Variants in THNSL2 observed in about 807,000 individuals in gnomAD.
The protein encoded by THNSL2 is threonine synthase-like 2.
THNSL2 carries 34 observed loss-of-function variants against 40.0 expected under a neutral mutation model. The observed-to-expected ratio is 0.85, with a 90% CI of 0.65 to 1.13. THNSL2 has a LOEUF of 1.13. Ranked by LOEUF, THNSL2 falls within the 50% of genes most tolerant of loss-of-function variation. THNSL2 has a pLI of 0.00. For missense variants in THNSL2, 537 were observed against 608.8 expected (o/e 0.88, Z 1.24); for synonymous variants, 241 against 247.5 (o/e 0.97, Z 0.25).
chr2:88,180,317 G>A (rs1285907762), intron 5 of THNSL2, among the ~76,000 whole-genome samples: 5 of 152,246 alleles, frequency 3.3e-5, no homozygotes, highest in South Asian at 2.1e-4. Flanking sequence ...ATATCATGAT[G>A]TTCTCATGAG....
rs1292456900 is a variant in THNSL2, at chr2:88,186,558, C to T, written c.*435C>T. The T allele has an allele frequency of 5.2e-6, 1 of 194,048 alleles. No individual in the cohort carries two copies. Among genetic ancestry groups the T allele is most frequent in the African/African-American group, 2.3e-5 (1 of 43,870 alleles). 12.0% of individuals were successfully genotyped at this position (194,048 alleles called of 1,614,324 possible). A position where few individuals can be genotyped will look rare whatever the true frequency, so the allele number is the denominator to read the frequency against. On this transcript the variant is annotated 3_prime_UTR_variant, in exon 9 of 9. Transcript: ENST00000674334. The stretch of plus-strand genomic sequence containing the variant: ...CAAACCAAATCCAAAGGTTCTGGCC[C>T]ACCTTGTCAGAGGCTTCCACCCTGC...
Position 88,186,447 on chromosome 2 carries a change from G to A in THNSL2, c.*324G>A, listed in dbSNP as rs1286433461. 1 of 290,708 alleles carries A rather than the reference G, an allele frequency of 3.4e-6. No individual in the cohort carries two copies. The allele number at this position is 290,708 out of a possible 1,614,324, so 18.0% of individuals were successfully genotyped here. On this transcript the variant is annotated 3_prime_UTR_variant, in exon 9 of 9. Coordinates refer to ENST00000674334, the MANE Select transcript of THNSL2 (RefSeq NM_018271.5). Reference sequence around the variant, plus strand: ...GACTGACCATGGCTCCAGGGGTTTAGGACCCCAGACCTGTGAAGGTGGGAG... The same window carrying A: ...GACTGACCATGGCTCCAGGGGTTTAAGACCCCAGACCTGTGAAGGTGGGAG...
chr2:88,183,255 A>G (rs1573208434), intron 7 of THNSL2, 182 bp downstream of exon 7: 1 of 817,144 alleles, frequency 1.2e-6, no homozygotes, highest in Non-Finnish European at 1.8e-6. Context: ...AATAGAGAAC[A>G]TGGTTTAGAG....
At chr2:88,173,025 GC>G in intron 1 of THNSL2, 113 bp from the exon 2 acceptor site, 1 of 594,252 alleles carries the variant, frequency 1.7e-6, no homozygotes. Context: ...TGGGACATGT[GC>G]CCCGGAGACT....
At chr2:88,174,072 C>T (rs1052097823) in intron 2 of THNSL2, among the ~76,000 whole-genome samples, 10 of 152,252 alleles carry the variant, frequency 6.6e-5, no homozygotes, top group Middle Eastern at 3.4e-3. Flanking sequence ...GTTGGAAATC[C>T]GAGATTGCCT....
Sources: gnomAD v4.1 joint callset for allele counts (sites outside exome capture counted in the v4.1 genomes callset) on GRCh38, gnomAD v4.1.1 for gene constraint, MANE v1.5 for transcripts, NCBI Gene and HGNC (gene_info 2026-07-23, HGNC 2026-07-21) for gene names.